RREB1: variants seen among roughly 807,000 people sequenced by gnomAD.
The protein encoded by RREB1 is ras-responsive element-binding protein 1.
In RREB1, 27 loss-of-function variants were observed where a neutral mutation model predicts 117.8. That is an observed-to-expected ratio of 0.23 (90% CI 0.17 to 0.32). The LOEUF is 0.32. RREB1 is among the 10% of genes least tolerant of loss of function. RREB1 has a pLI of 1.00. For synonymous variants in RREB1, 1,298 were observed against 1,026.7 expected (o/e 1.26, Z -5.05); for missense variants, 2,577 against 2,378.2 (o/e 1.08, Z -1.74).
rs764634263 is a variant in RREB1 at position 7,231,733 on chromosome 6, C to T, written c.3634C>T (p.Pro1212Ser). The change falls in exon 10 of 13, where the codon CCT (proline) becomes TCT (serine). Residue 1212 changes from proline to serine, a missense_variant. Physicochemically the swap from Pro to Ser is moderately conservative, Grantham distance 74. Transcript: ENST00000379938. ...DNTQDEVAGAPADHHGPSDEE... is the reference protein window; with the variant it reads ...DNTQDEVAGASADHHGPSDEE... ...CACTCAGGATGAGGTGGCCGGAGCC[C>T]CTGCCGACCACCATGGGCCCAGTGA... 1.9e-6 allele frequency: 3 copies of T among 1,613,840 alleles called. No individual in the cohort carries two copies. Among genetic ancestry groups the T allele is most frequent in the African/African-American group, 2.7e-5 (2 of 75,058 alleles).
chr6:7,218,317 A>C (rs1223012737), intron 8 of RREB1: 1 of 152,242 alleles, frequency 6.6e-6, no homozygotes, highest in Non-Finnish European at 1.5e-5. Context: ...AGCCCAAGGA[A>C]GCACCTGAGT....
intron 8 of RREB1, among the ~76,000 whole-genome samples, chr6:7,220,796 C>T (rs1008648974): frequency 6.6e-6 from 1 of 152,168 alleles, no homozygotes; most frequent in African/African-American, 2.4e-5. Context: ...CTTTATGAGC[C>T]CCTGGCAGAG....
At chr6:7,160,669 C>T (rs1406510747) in intron 1 of RREB1, among the ~76,000 whole-genome samples, 1 of 151,924 alleles carries the variant, frequency 6.6e-6, no homozygotes, top group East Asian at 1.9e-4. Context: ...AACACCACAC[C>T]TGGATAACTT....
At chr6:7,119,211 C>T (rs1272517887) in intron 1 of RREB1, among the ~76,000 whole-genome samples, 1 of 151,906 alleles carries the variant, frequency 6.6e-6, no homozygotes, top group Non-Finnish European at 1.5e-5. Context: ...ATTAGCTGGG[C>T]GTAGTGGCGG....
At chr6:7,120,665 A>T (rs1761636080) in intron 1 of RREB1, among the ~76,000 whole-genome samples, 1 of 130,016 alleles carries the variant, frequency 7.7e-6, no homozygotes, top group African/African-American at 2.7e-5. Flanking sequence ...TTTAGATGAG[A>T]TGTACACCTA....
chr6:7,122,224 A>T (rs1761711080), intron 1 of RREB1, among the ~76,000 whole-genome samples: 1 of 152,220 alleles, frequency 6.6e-6, no homozygotes, highest in South Asian at 2.1e-4. Flanking sequence ...CCCAGGTAGT[A>T]TACTGAGGAG....
At chr6:7,211,954 G>A (rs1766634283) in intron 8 of RREB1, 1 of 505,596 alleles carries the variant, frequency 2.0e-6, no homozygotes, top group East Asian at 3.4e-5. Context: ...AGCCCCTTGA[G>A]TAGTCACCAG....
At chr6:7,166,371 T>C (rs1581478504) in intron 1 of RREB1, among the ~76,000 whole-genome samples, 1 of 152,264 alleles carries the variant, frequency 6.6e-6, no homozygotes, top group South Asian at 2.1e-4. Flanking sequence ...TAAACACTTA[T>C]CAACCACTTA....
intron 8 of RREB1, 38 bp from the exon 9 acceptor site, chr6:7,226,429 C>T: frequency 6.6e-7 from 1 of 1,516,574 alleles, no homozygotes; most frequent in South Asian, 1.2e-5. Context: ...CATATGCTCT[C>T]CCTTTCTGCC....
At chr6:7,189,022 A>G (rs901092483) in intron 5 of RREB1, 137 bp from the exon 6 acceptor site, 1 of 770,508 alleles carries the variant, frequency 1.3e-6, no homozygotes, top group Non-Finnish European at 2.0e-6. Flanking sequence ...CTTCAGAAAG[A>G]TATTTAAAAT....
intron 1 of RREB1, among the ~76,000 whole-genome samples, chr6:7,158,444 T>C (rs555365633): frequency 1.3e-5 from 2 of 152,056 alleles, no homozygotes; most frequent in South Asian, 4.1e-4. Context: ...CTCTCCCACC[T>C]CCTGTAATTT....
At chr6:7,113,697 T>C (rs922485864) in intron 1 of RREB1, among the ~76,000 whole-genome samples, 1 of 152,232 alleles carries the variant, frequency 6.6e-6, no homozygotes, top group Non-Finnish European at 1.5e-5. Context: ...GCATTAAATA[T>C]ATACTGCCTA....
At chr6:7,214,072 G>A (rs1304914742) in intron 8 of RREB1, 1 of 152,232 alleles carries the variant, frequency 6.6e-6, no homozygotes, top group Non-Finnish European at 1.5e-5. Flanking sequence ...GCTCCAGGGA[G>A]AGGCCAGGCT....
intron 7 of RREB1, 107 bp from the exon 8 acceptor site, chr6:7,211,466 C>A: frequency 9.8e-7 from 1 of 1,017,976 alleles, no homozygotes. Flanking sequence ...GATAATGCAA[C>A]CCTTGCCTTT....
chr6:7,117,510 A>G (rs1226314013), intron 1 of RREB1, among the ~76,000 whole-genome samples: 1 of 145,394 alleles, frequency 6.9e-6, no homozygotes, highest in Non-Finnish European at 1.5e-5. Flanking sequence ...TCCCAGGTTC[A>G]AGCGATTCTC....
chr6:7,156,475 G>A (rs1344540210), intron 1 of RREB1, among the ~76,000 whole-genome samples: 1 of 152,196 alleles, frequency 6.6e-6, no homozygotes, highest in African/African-American at 2.4e-5. Context: ...CTCTTAAGAG[G>A]GAACACCAGC....
At position 7,166,984 on chromosome 6, in the gene RREB1, A is replaced by G. The variant is rs1763965194; in HGVS notation, c.-284-9671A>G. Reference sequence around the variant, plus strand: ...TACCAGAAGCTGGAAATGTGACCGAAGATACTTAGATTCACTTCAGAGATG... The same window carrying G: ...TACCAGAAGCTGGAAATGTGACCGAGGATACTTAGATTCACTTCAGAGATG... On this transcript the variant is annotated intron_variant, in intron 1 of 12. Coordinates refer to ENST00000379938, the MANE Select transcript of RREB1 (RefSeq NM_001003699.4). 2.0e-5 allele frequency among the ~76,000 whole-genome samples: 3 copies of G among 152,318 alleles called. No individual in the cohort carries two copies. In the South Asian group the frequency reaches 6.2e-4, roughly 32 times the overall value.
At position 7,240,512 on chromosome 6, in the gene RREB1, C is replaced by G. The variant is rs371836158; in HGVS notation, c.3883C>G (p.Arg1295Gly). The change falls in exon 11 of 13, where the codon CGC becomes GGC. Residue 1295 changes from arginine to glycine, a missense_variant. Transcript: ENST00000379938. ...TKSNCERHQL[R>G]KHGVTTCSLR... The stretch of plus-strand genomic sequence containing the variant: ...ATCTAACTGTGAACGCCACCAGTTG[C>G]GCAAACACGGAGTTACCACCTGTTC... 2.5e-6 allele frequency: 4 copies of G among 1,613,730 alleles called. No homozygotes were observed. Among genetic ancestry groups the G allele is most frequent in the Non-Finnish European group, 3.4e-6 (4 of 1,179,862 alleles).
rs539142372 is a variant in RREB1, at chr6:7,239,008, C to T, written c.3809-1430C>T. Among the ~76,000 whole-genome samples the T allele has an allele frequency of 8.5e-5, 13 of 152,360 alleles. No individual in the cohort carries two copies. In the South Asian group the frequency reaches 1.0e-3, roughly 12 times the overall value. On this transcript the variant is annotated intron_variant, in intron 10 of 12. Coordinates refer to ENST00000379938, the MANE Select transcript of RREB1 (RefSeq NM_001003699.4). ...TGGAGTCGTGTGACACAGCCAGTGC[C>T]GGTTAAGGCTAGTCCCTCCTTCCCC...
Sources: allele counts gnomAD v4.1 joint callset (sites outside exome capture counted in the v4.1 genomes callset), GRCh38; gene constraint gnomAD v4.1.1; transcripts MANE v1.5; gene names NCBI Gene and HGNC (gene_info 2026-07-23, HGNC 2026-07-21).